The following FGD4 variants were observed in gnomAD, a reference collection of about 807,000 sequenced individuals.
The protein encoded by FGD4 is FYVE, RhoGEF and PH domain-containing protein 4.
Under a neutral mutation model 102.0 loss-of-function variants are expected in FGD4, and 42 were observed. The ratio of observed to expected loss-of-function variants is 0.41; its 90% confidence interval spans 0.32 to 0.53. The LOEUF (loss-of-function observed/expected upper bound fraction) is 0.53, where lower values mean the gene tolerates loss of function less well. FGD4 is among the 20% of genes least tolerant of loss of function. The pLI is 0.21. For synonymous variants in FGD4, 380 were observed against 375.7 expected, an observed-to-expected ratio of 1.01 and a Z score of -0.13; for missense variants, 902 against 1,078.2, an observed-to-expected ratio of 0.84 and a Z score of 2.29.
At chr12:32,561,070 G>GTTCTT (rs1944513356) in intron 1 of FGD4, among the ~76,000 whole-genome samples, 1 of 90,788 alleles carries the variant, frequency 1.1e-5, no homozygotes, top group East Asian at 3.0e-4. Context: ...TCTTTGTTGG[G>GTTCTT]TTTTGTTTTT....
chr12:32,613,707 AG>A (rs1244064237), intron 10 of FGD4, among the ~76,000 whole-genome samples: 1 of 152,124 alleles, frequency 6.6e-6, no homozygotes, highest in African/African-American at 2.4e-5. Context: ...AAGAGTTCCA[AG>A]GCTGCACTGA....
At chr12:32,456,223 C>G (rs901318475) in intron 1 of FGD4, among the ~76,000 whole-genome samples, 2 of 152,052 alleles carry the variant, frequency 1.3e-5, no homozygotes, top group Admixed American at 6.5e-5. Flanking sequence ...TCAGGAGATA[C>G]CTTGTGCCCA....
chr12:32,636,816 A>G (rs963408566), intron 15 of FGD4, among the ~76,000 whole-genome samples: 1 of 151,946 alleles, frequency 6.6e-6, no homozygotes, highest in East Asian at 1.9e-4. Context: ...CATAAGGCAT[A>G]TAATAAAAAC....
At chr12:32,519,943 T>C (rs1940329262) in intron 1 of FGD4, among the ~76,000 whole-genome samples, 1 of 152,144 alleles carries the variant, frequency 6.6e-6, no homozygotes, top group Admixed American at 6.5e-5. Flanking sequence ...CAAGACTCCA[T>C]CTCAAAATAA....
At chr12:32,585,895 G>C (rs1364784786) in intron 4 of FGD4, among the ~76,000 whole-genome samples, 3 of 151,004 alleles carry the variant, frequency 2.0e-5, no homozygotes, top group African/African-American at 2.5e-5. Flanking sequence ...TGTGCCCCAG[G>C]AGTACTAGTT....
At chr12:32,497,105 G>A (rs1937869314) in intron 1 of FGD4, among the ~76,000 whole-genome samples, 1 of 152,116 alleles carries the variant, frequency 6.6e-6, no homozygotes, top group Non-Finnish European at 1.5e-5. Context: ...CCTAGTCAAT[G>A]TTGGTTGTTT....
At chr12:32,420,121 G>A (rs1481348733) in intron 1 of FGD4, among the ~76,000 whole-genome samples, 1 of 152,126 alleles carries the variant, frequency 6.6e-6, no homozygotes, top group East Asian at 1.9e-4. Flanking sequence ...GGGTGAGGGG[G>A]GTGACAAACA....
intron 3 of FGD4, among the ~76,000 whole-genome samples, chr12:32,579,225 T>C (rs1212484751): frequency 6.6e-6 from 1 of 151,982 alleles, no homozygotes; most frequent in African/African-American, 2.4e-5. Flanking sequence ...TTTTGTATTT[T>C]TAGTAGAGAC....
chr12:32,436,732 A>G (rs1158694483), intron 1 of FGD4, among the ~76,000 whole-genome samples: 2 of 152,182 alleles, frequency 1.3e-5, no homozygotes, highest in East Asian at 1.9e-4. Flanking sequence ...AAAAGCTGCT[A>G]TCTCATTAGC....
At chr12:32,502,918 C>A (rs1453140405) in intron 1 of FGD4, among the ~76,000 whole-genome samples, 2 of 152,146 alleles carry the variant, frequency 1.3e-5, no homozygotes, top group East Asian at 1.9e-4. Flanking sequence ...AAAGGAAGGG[C>A]AAGACAAGGA....
intron 2 of FGD4, among the ~76,000 whole-genome samples, chr12:32,571,170 T>C (rs1393905847): frequency 6.6e-6 from 1 of 152,088 alleles, no homozygotes; most frequent in African/African-American, 2.4e-5. Flanking sequence ...AAGAGTTGAA[T>C]GTGGCTGGGC....
At chr12:32,461,672 A>G (rs1009951711) in intron 1 of FGD4, among the ~76,000 whole-genome samples, 1 of 152,156 alleles carries the variant, frequency 6.6e-6, no homozygotes, top group Non-Finnish European at 1.5e-5. Context: ...CTGTTCCCAC[A>G]GTTTATGCCC....
intron 7 of FGD4, among the ~76,000 whole-genome samples, chr12:32,603,363 T>C (rs1172524811): frequency 6.6e-6 from 1 of 151,980 alleles, no homozygotes; most frequent in East Asian, 1.9e-4. Flanking sequence ...ATTCCTGGTA[T>C]ATGGGTTTTT....
At chr12:32,586,926 C>A (rs1266077243) in intron 4 of FGD4, among the ~76,000 whole-genome samples, 1 of 152,174 alleles carries the variant, frequency 6.6e-6, no homozygotes, top group Non-Finnish European at 1.5e-5. Context: ...TGCAGTGGCT[C>A]ACCCCTGTAA....
intron 1 of FGD4, among the ~76,000 whole-genome samples, chr12:32,538,184 C>T (rs1250595271): frequency 1.3e-5 from 2 of 152,212 alleles, no homozygotes; most frequent in African/African-American, 4.8e-5. Context: ...AGGTGTGAGC[C>T]ACTGTGCCTG....
intron 1 of FGD4, among the ~76,000 whole-genome samples, chr12:32,435,515 G>GTGTGTGTGTGTGTGTGTGTT (rs1336616842): frequency 3.9e-5 from 6 of 152,006 alleles, no homozygotes; most frequent in African/African-American, 1.5e-4. Context: ...GTGTGTGTGT[G>GTGTGTGTGTGTGTGTGTGTT]TGTTTTAAAT....
chr12:32,620,203 C>T (rs1197460903), intron 11 of FGD4, among the ~76,000 whole-genome samples: 2 of 152,182 alleles, frequency 1.3e-5, no homozygotes, highest in African/African-American at 2.4e-5. Flanking sequence ...TATGTTCACT[C>T]CTCCTTTTGG....
intron 15 of FGD4, among the ~76,000 whole-genome samples, chr12:32,634,993 AAAAGAATCTCT>A (rs1179830458): frequency 5.9e-5 from 9 of 152,168 alleles, no homozygotes; most frequent in Non-Finnish European, 1.0e-4. Flanking sequence ...TCTCAAAAAA[AAAAGAATCTCT>A]AAAGAATCAG....
chr12:32,565,634 G>A (rs540425036), intron 2 of FGD4, among the ~76,000 whole-genome samples: 72 of 152,232 alleles, frequency 4.7e-4, no homozygotes, highest in African/African-American at 1.6e-3. Flanking sequence ...GCAATACTTC[G>A]TTGTTTTCCA....
Sources: gnomAD v4.1 joint callset for allele counts (sites outside exome capture counted in the v4.1 genomes callset) on GRCh38, gnomAD v4.1.1 for gene constraint, MANE v1.5 for transcripts, NCBI Gene and HGNC (gene_info 2026-07-23, HGNC 2026-07-21) for gene names.